COG5: variants seen among roughly 807,000 people sequenced by gnomAD.
The protein encoded by COG5 is conserved oligomeric Golgi complex subunit 5.
A neutral mutation model predicts 110.4 loss-of-function variants in COG5; 86 were observed. The ratio of observed to expected loss-of-function variants is 0.78; its 90% CI spans 0.65 to 0.93. The LOEUF is 0.93. Among genes scored for constraint, COG5 ranks in the 40% least tolerant of loss-of-function variants. The probability of loss-of-function intolerance (pLI) is 0.00; values close to 1 mark genes in which losing one functional copy is unlikely to be tolerated. For missense variants in COG5, 1,077 were observed against 987.0 expected (o/e 1.09, Z -1.22); for synonymous variants, 360 against 334.6 (o/e 1.08, Z -0.83).
intron 19 of COG5, among the ~76,000 whole-genome samples, chr7:107,218,879 T>G (rs1044334784): frequency 6.6e-6 from 1 of 151,878 alleles, no homozygotes; most frequent in Non-Finnish European, 1.5e-5. Flanking sequence ...TACATTAAAG[T>G]AAAAAGCTTC....
chr7:107,427,644 C>T (rs930419105), intron 6 of COG5, among the ~76,000 whole-genome samples: 4 of 152,042 alleles, frequency 2.6e-5, no homozygotes, highest in African/African-American at 7.2e-5. Context: ...ACCGAAGCCT[C>T]GCTCAGCCCC....
intron 17 of COG5, among the ~76,000 whole-genome samples, chr7:107,241,449 T>A (rs922090315): frequency 6.7e-6 from 1 of 148,472 alleles, no homozygotes; most frequent in Non-Finnish European, 1.5e-5. Context: ...TATATTTATT[T>A]TTTATTTATT....
At chr7:107,466,592 TACG>T (rs1480001024) in intron 6 of COG5, among the ~76,000 whole-genome samples, 1 of 152,232 alleles carries the variant, frequency 6.6e-6, no homozygotes, top group Non-Finnish European at 1.5e-5. Flanking sequence ...GTTGATTCTC[TACG>T]ACTTCTGCTA....
intron 7 of COG5, among the ~76,000 whole-genome samples, chr7:107,387,051 T>G (rs1790256743): frequency 6.6e-6 from 1 of 152,212 alleles, no homozygotes; most frequent in Admixed American, 6.5e-5. Context: ...GACCCTGTCT[T>G]AAGCAAGTGG....
intron 5 of COG5, among the ~76,000 whole-genome samples, chr7:107,545,173 G>A (rs1316575891): frequency 6.6e-6 from 1 of 152,086 alleles, no homozygotes; most frequent in East Asian, 1.9e-4. Context: ...ATATGTTATG[G>A]GTGTCCCAGA....
At chr7:107,364,427 T>C (rs571468916) in intron 8 of COG5, among the ~76,000 whole-genome samples, 2 of 152,204 alleles carry the variant, frequency 1.3e-5, no homozygotes, top group Non-Finnish European at 2.9e-5. Flanking sequence ...CAATAAAATT[T>C]TGAGTATGAA....
chr7:107,312,551 G>A (rs1251914696), intron 11 of COG5, among the ~76,000 whole-genome samples: 1 of 152,172 alleles, frequency 6.6e-6, no homozygotes, highest in Non-Finnish European at 1.5e-5. Flanking sequence ...GAAAAGACAA[G>A]TATGAGTTAC....
chr7:107,372,359 C>T lies in COG5; in HGVS notation c.835+236G>A, dbSNP rs574491728. Among the ~76,000 whole-genome samples, 19 of 152,220 alleles carry T rather than the reference C, an allele frequency of 1.2e-4. No individual in the cohort carries two copies. The East Asian group carries it at 1.3e-3, about 11-fold the overall frequency. On this transcript the variant is annotated intron_variant, in intron 8 of 21. Transcript: ENST00000297135. ...CATCTGTTTCCTCTCAACCAAATGACGCTACAGTTTATGGATCTTTATCTA... is the reference window on the plus strand; with the variant it reads ...CATCTGTTTCCTCTCAACCAAATGATGCTACAGTTTATGGATCTTTATCTA...
chr7:107,496,689 AC>A (rs1255815729), intron 6 of COG5, among the ~76,000 whole-genome samples: 4 of 151,824 alleles, frequency 2.6e-5, no homozygotes, highest in East Asian at 1.9e-4. Context: ...AAACAAAAAA[AC>A]AATCAATATA....
intron 11 of COG5, among the ~76,000 whole-genome samples, chr7:107,300,870 A>C (rs557407017): frequency 6.6e-6 from 1 of 152,154 alleles, no homozygotes; most frequent in Admixed American, 6.5e-5. Context: ...AAAAACAACA[A>C]TGTTGGAGTA....
At chr7:107,562,849 G>A (rs1233278988) in intron 1 of COG5, among the ~76,000 whole-genome samples, 1 of 152,192 alleles carries the variant, frequency 6.6e-6, no homozygotes, top group Non-Finnish European at 1.5e-5. Flanking sequence ...TCAAATGTGT[G>A]CATGTGCTTC....
At chr7:107,249,857 T>C (rs1802361487) in intron 16 of COG5, among the ~76,000 whole-genome samples, 1 of 151,970 alleles carries the variant, frequency 6.6e-6, no homozygotes, top group Non-Finnish European at 1.5e-5. Context: ...GCACCTTCCT[T>C]TGAGCGTCAT....
intron 12 of COG5, among the ~76,000 whole-genome samples, chr7:107,292,323 A>G (rs146589686): frequency 0.014 from 2,084 of 152,282 alleles, 35 homozygotes; most frequent in Admixed American, 0.021. Context: ...TGTCTGACCC[A>G]GGACCTGTTT....
At chr7:107,315,455 C>A (rs1046362780) in intron 11 of COG5, among the ~76,000 whole-genome samples, 6 of 152,148 alleles carry the variant, frequency 3.9e-5, no homozygotes, top group African/African-American at 1.4e-4. Flanking sequence ...ACTAATACTG[C>A]ACAAGGGGTT....
intron 17 of COG5, among the ~76,000 whole-genome samples, chr7:107,245,919 C>T (rs919908633): frequency 1.3e-5 from 2 of 152,140 alleles, no homozygotes; most frequent in African/African-American, 4.8e-5. Flanking sequence ...CAATCCTAAG[C>T]TAAAAGAACA....
chr7:107,416,371 A>G (rs1484139327), intron 6 of COG5, among the ~76,000 whole-genome samples: 2 of 151,696 alleles, frequency 1.3e-5, no homozygotes, highest in East Asian at 3.9e-4. Flanking sequence ...TCTCAATAAC[A>G]TAATGTTAAG....
At chr7:107,337,010 G>C (rs1458388261) in intron 10 of COG5, among the ~76,000 whole-genome samples, 1 of 152,088 alleles carries the variant, frequency 6.6e-6, no homozygotes, top group Non-Finnish European at 1.5e-5. Flanking sequence ...CATTTCTCAA[G>C]AGAAGACATA....
chr7:107,214,274 G>T (rs73415413), intron 19 of COG5, among the ~76,000 whole-genome samples: 4,031 of 152,134 alleles, frequency 0.026, 179 homozygotes, highest in African/African-American at 0.09. Context: ...TACATACAAA[G>T]AACTTGCAAT....
chr7:107,336,250 A>G (rs1810688475), intron 10 of COG5, among the ~76,000 whole-genome samples: 1 of 152,218 alleles, frequency 6.6e-6, no homozygotes, highest in Admixed American at 6.5e-5. Flanking sequence ...ATTTGCAGCA[A>G]CATGGCTGAA....
Sources: allele counts gnomAD v4.1 joint callset (sites outside exome capture counted in the v4.1 genomes callset), GRCh38; gene constraint gnomAD v4.1.1; transcripts MANE v1.5; gene names NCBI Gene and HGNC (gene_info 2026-07-23, HGNC 2026-07-21).